Variants in PLEKHM3 observed in about 807,000 individuals in gnomAD.
PLEKHM3 encodes the protein pleckstrin homology domain-containing family M member 3.
Under a neutral mutation model 81.8 loss-of-function variants are expected in PLEKHM3, and 45 were observed. That is an observed-to-expected ratio of 0.55 (90% CI 0.43 to 0.71). The LOEUF (loss-of-function observed/expected upper bound fraction) is 0.71. Ranked by LOEUF, PLEKHM3 falls within the 30% of genes least tolerant of loss-of-function variation. The pLI is 0.00. For missense variants in PLEKHM3, 788 were observed against 924.3 expected (o/e 0.85, Z 1.91); for synonymous variants, 352 against 356.4 (o/e 0.99, Z 0.14).
intron 7 of PLEKHM3, among the ~76,000 whole-genome samples, chr2:207,831,516 G>A (rs1034314653): frequency 2.0e-5 from 3 of 152,350 alleles, no homozygotes; most frequent in Admixed American, 2.0e-4. Flanking sequence ...TAAGTTCTTG[G>A]TGCTTTGGTT....
At chr2:207,836,066 AG>A (rs1364794331) in intron 7 of PLEKHM3, among the ~76,000 whole-genome samples, 1 of 152,206 alleles carries the variant, frequency 6.6e-6, no homozygotes, top group African/African-American at 2.4e-5. Flanking sequence ...TGCTCTTGTG[AG>A]CACTCCTAAT....
At chr2:208,012,090 G>A (rs1399421089) in intron 1 of PLEKHM3, among the ~76,000 whole-genome samples, 1 of 151,866 alleles carries the variant, frequency 6.6e-6, no homozygotes, top group African/African-American at 2.4e-5. Flanking sequence ...CGCCCAGGCT[G>A]GAGTCCAGTG....
intron 7 of PLEKHM3, among the ~76,000 whole-genome samples, chr2:207,836,572 G>A (rs765486940): frequency 1.1e-4 from 17 of 152,136 alleles, no homozygotes; most frequent in Non-Finnish European, 2.1e-4. Context: ...CAAATATTAT[G>A]GCAAAGAGGC....
At chr2:207,880,816 CA>C (rs984215342) in intron 6 of PLEKHM3, among the ~76,000 whole-genome samples, 5 of 53,214 alleles carry the variant, frequency 9.4e-5, no homozygotes, top group African/African-American at 3.3e-4. Context: ...CAAAAAAAAA[CA>C]AAAAAACAAA....
chr2:207,980,349 G>A (rs2106040519), intron 2 of PLEKHM3, among the ~76,000 whole-genome samples: 1 of 152,220 alleles, frequency 6.6e-6, no homozygotes. Flanking sequence ...AGCTTGGGTG[G>A]ACTGAATGAG....
At chr2:208,000,386 G>A (rs1471743045) in intron 2 of PLEKHM3, among the ~76,000 whole-genome samples, 1 of 152,136 alleles carries the variant, frequency 6.6e-6, no homozygotes, top group Non-Finnish European at 1.5e-5. Context: ...CCCCTTGCAA[G>A]CCAAGCCCTT....
At chr2:208,024,655 G>C (rs1284372437) in intron 1 of PLEKHM3, among the ~76,000 whole-genome samples, 1 of 151,970 alleles carries the variant, frequency 6.6e-6, no homozygotes, top group Admixed American at 6.6e-5. Flanking sequence ...AACTCACTAC[G>C]ATTACTTAAA....
chr2:207,874,856 A>C (rs1447127005), intron 6 of PLEKHM3, among the ~76,000 whole-genome samples: 1 of 151,938 alleles, frequency 6.6e-6, no homozygotes, highest in African/African-American at 2.4e-5. Context: ...TCCCAAAGTG[A>C]TGAGATTACA....
chr2:208,005,982 C>T (rs1238917180), intron 1 of PLEKHM3, among the ~76,000 whole-genome samples: 1 of 152,114 alleles, frequency 6.6e-6, no homozygotes, highest in Admixed American at 6.5e-5. Flanking sequence ...GCATAAGAGC[C>T]CTTCCTAGTC....
At chr2:207,896,152 G>A (rs1165135525) in intron 6 of PLEKHM3, among the ~76,000 whole-genome samples, 1 of 152,192 alleles carries the variant, frequency 6.6e-6, no homozygotes, top group East Asian at 1.9e-4. Flanking sequence ...TAAAATCACA[G>A]AATGAGGGCC....
chr2:207,970,888 G>A (rs1276961329), intron 3 of PLEKHM3, among the ~76,000 whole-genome samples: 1 of 152,230 alleles, frequency 6.6e-6, no homozygotes, highest in Non-Finnish European at 1.5e-5. Context: ...AGCTCTTAAT[G>A]CCAGAGAGAT....
At chr2:207,929,676 T>C (rs1191244316) in intron 5 of PLEKHM3, among the ~76,000 whole-genome samples, 1 of 152,238 alleles carries the variant, frequency 6.6e-6, no homozygotes, top group Admixed American at 6.5e-5. Flanking sequence ...GAAAAACAAC[T>C]AGGTAATAGA....
intron 6 of PLEKHM3, among the ~76,000 whole-genome samples, chr2:207,866,810 T>C (rs2092503753): frequency 2.0e-5 from 3 of 152,326 alleles, no homozygotes; most frequent in Middle Eastern, 6.8e-3. Flanking sequence ...AAAGCCATCT[T>C]TGGCTACTTC....
intron 6 of PLEKHM3, among the ~76,000 whole-genome samples, chr2:207,869,541 A>T (rs1006921392): frequency 2.6e-5 from 4 of 152,146 alleles, no homozygotes; most frequent in African/African-American, 4.8e-5. Flanking sequence ...TGTATATATG[A>T]CTATTTCAGA....
chr2:207,928,366 C>T (rs2105935474), intron 5 of PLEKHM3, among the ~76,000 whole-genome samples: 1 of 152,262 alleles, frequency 6.6e-6, no homozygotes, highest in East Asian at 1.9e-4. Flanking sequence ...GACATAGCAG[C>T]AGGAAAAGAG....
At position 207,828,261 on chromosome 2, in the gene PLEKHM3, C is replaced by T. The variant is rs1232396959; in HGVS notation, c.*58G>A. 15 of 1,548,628 alleles carry T rather than the reference C, an allele frequency of 9.7e-6. No individual in the cohort carries two copies. Among genetic ancestry groups the T allele is most frequent in the South Asian group, 2.5e-5 (2 of 80,910 alleles). ...GGGTCTAACTGGCTAGTTAGGAGGC[C>T]GCTCTGGGGCTGATGGATTGTTGAT... On this transcript the variant is annotated 3_prime_UTR_variant, in exon 8 of 8. Coordinates refer to ENST00000427836, the MANE Select transcript of PLEKHM3 (RefSeq NM_001080475.3).
At chr2:207,866,780 T>C (rs139673836) in intron 6 of PLEKHM3, among the ~76,000 whole-genome samples, 41 of 152,298 alleles carry the variant, frequency 2.7e-4, no homozygotes, top group African/African-American at 9.4e-4. Flanking sequence ...ACAGCTCAGA[T>C]CTACCCTGTC....
At chr2:207,884,296 C>A (rs1396323614) in intron 6 of PLEKHM3, among the ~76,000 whole-genome samples, 2 of 152,142 alleles carry the variant, frequency 1.3e-5, no homozygotes, top group African/African-American at 4.8e-5. Context: ...GATGTCTGCT[C>A]TCACCACATC....
intron 4 of PLEKHM3, among the ~76,000 whole-genome samples, chr2:207,932,237 T>C (rs1689620745): frequency 6.6e-6 from 1 of 152,194 alleles, no homozygotes. Flanking sequence ...ATAATGTCAT[T>C]GTCATCAGTA....
Sources: gnomAD v4.1 joint callset for allele counts (sites outside exome capture counted in the v4.1 genomes callset) on GRCh38, gnomAD v4.1.1 for gene constraint, MANE v1.5 for transcripts, NCBI Gene and HGNC (gene_info 2026-07-23, HGNC 2026-07-21) for gene names.